ADAMTS6: variants seen among roughly 807,000 people sequenced by gnomAD.
The protein encoded by ADAMTS6 is ADAM metallopeptidase with thrombospondin type 1 motif 6.
A neutral mutation model predicts 144.3 loss-of-function variants in ADAMTS6; 23 were observed. The observed-to-expected ratio is 0.16, with a 90% CI of 0.11 to 0.23. The LOEUF is 0.23. Among genes scored for constraint, ADAMTS6 ranks in the 10% least tolerant of loss-of-function variants. ADAMTS6 has a pLI of 1.00. For missense variants in ADAMTS6, 999 were observed against 1,379.6 expected (o/e 0.72, Z 4.37); for synonymous variants, 444 against 457.5 (o/e 0.97, Z 0.38).
At position 65,185,981 on chromosome 5, in the gene ADAMTS6, A is replaced by G. The variant is rs564552276; in HGVS notation, c.2910+2035T>C. Among the ~76,000 whole-genome samples, 259 of 152,354 alleles carry G rather than the reference A, an allele frequency of 1.7e-3. 9 individuals carry two copies. In the South Asian group the frequency reaches 0.05, roughly 29 times the overall value. ...CAGCAACTTCTTCTAGAAATTTCTCAGAAGGCATTCCTTCTGCTTATGAAG... is the reference window on the plus strand; with the variant it reads ...CAGCAACTTCTTCTAGAAATTTCTCGGAAGGCATTCCTTCTGCTTATGAAG... On this transcript the variant is annotated intron_variant, in intron 22 of 24. Transcript: ENST00000381055.
At chr5:65,152,172 G>C (rs768334974) in intron 24 of ADAMTS6, among the ~76,000 whole-genome samples, 1 of 152,140 alleles carries the variant, frequency 6.6e-6, no homozygotes, top group East Asian at 1.9e-4. Flanking sequence ...ATGTTTGCAA[G>C]GCTTTCCTTC....
intron 7 of ADAMTS6, among the ~76,000 whole-genome samples, chr5:65,389,170 C>G (rs1334452864): frequency 6.6e-6 from 1 of 151,742 alleles, no homozygotes; most frequent in South Asian, 2.1e-4. Flanking sequence ...CGCCACTGCA[C>G]TCCAGCCTGG....
At chr5:65,191,015 T>C (rs1014958737) in intron 21 of ADAMTS6, among the ~76,000 whole-genome samples, 13 of 152,234 alleles carry the variant, frequency 8.5e-5, no homozygotes, top group Admixed American at 3.9e-4. Context: ...ATTCTTTCTC[T>C]GTCTTCTTTC....
At chr5:65,336,272 T>G (rs1747299350) in intron 7 of ADAMTS6, among the ~76,000 whole-genome samples, 1 of 152,056 alleles carries the variant, frequency 6.6e-6, no homozygotes, top group Non-Finnish European at 1.5e-5. Flanking sequence ...ACAACCAACT[T>G]TAATCAGAAA....
At position 65,273,356 on chromosome 5, in the gene ADAMTS6, C is replaced by G. The variant is rs774784212; in HGVS notation, c.1604G>C (p.Gly535Ala). The change falls in exon 12 of 25, where the codon GGG becomes GCG. Residue 535 changes from glycine (G) to alanine (A), a missense_variant. This residue lies in a region of ADAMTS6 where 619 missense variants were observed against 837.0 expected (regional missense o/e 0.74). Coordinates refer to ENST00000381055, the MANE Select transcript of ADAMTS6 (RefSeq NM_197941.4). ...PAAEGTLCQTGNIEKGWCYQG... is the reference protein window; with the variant it reads ...PAAEGTLCQTANIEKGWCYQG... ...TGAGCTTACCCCTTTTTCAATATTC[C>G]CAGTTTGACACAGTGTCCCCTCAGC... The G allele has an allele frequency of 1.9e-6, 3 of 1,612,752 alleles. No homozygotes were observed. The East Asian group carries it at 6.7e-5, about 36-fold the overall frequency.
chr5:65,451,684 T>G lies in ADAMTS6; in HGVS notation c.928-64A>C, dbSNP rs1313467882. ...ATTACTAAGGTCAGTTGTTAAAACT[T>G]TTGAAGACTGAAGTGGGACTATAAT... On this transcript the variant is annotated intron_variant, in intron 6 of 24. Transcript: ENST00000381055. 3 of 1,573,712 alleles carry G rather than the reference T, an allele frequency of 1.9e-6. No homozygotes were observed. The East Asian group carries it at 6.8e-5, about 36-fold the overall frequency.
At chr5:65,301,889 G>A (rs1004155171) in intron 9 of ADAMTS6, among the ~76,000 whole-genome samples, 4 of 151,772 alleles carry the variant, frequency 2.6e-5, no homozygotes, top group African/African-American at 9.7e-5. Context: ...AGGAGCTCGA[G>A]ACTAGCCTAG....
chr5:65,372,201 C>A (rs1055189563), intron 7 of ADAMTS6, among the ~76,000 whole-genome samples: 2 of 134,420 alleles, frequency 1.5e-5, no homozygotes, highest in Non-Finnish European at 3.1e-5. Context: ...GCATCAACTA[C>A]CGAGCAAAAT....
At chr5:65,206,630 G>A (rs1166272159) in intron 20 of ADAMTS6, among the ~76,000 whole-genome samples, 1 of 150,302 alleles carries the variant, frequency 6.7e-6, no homozygotes, top group East Asian at 1.9e-4. Context: ...AACCAGGAAG[G>A]TGGAAGTTGC....
chr5:65,211,747 A>G (rs1030969384), intron 20 of ADAMTS6, among the ~76,000 whole-genome samples: 2 of 152,218 alleles, frequency 1.3e-5, no homozygotes, highest in Non-Finnish European at 2.9e-5. Context: ...TAAGAAAAGT[A>G]GCAACTCTAA....
At chr5:65,263,086 CAGAT>C (rs1761333539) in intron 12 of ADAMTS6, 124 bp from the exon 13 acceptor site, 1 of 1,207,790 alleles carries the variant, frequency 8.3e-7, no homozygotes, top group Non-Finnish European at 1.2e-6. Flanking sequence ...TGATAACAGA[CAGAT>C]AGTTCTCTAA....
intron 7 of ADAMTS6, among the ~76,000 whole-genome samples, chr5:65,340,645 C>A (rs1682199253): frequency 6.6e-6 from 1 of 151,660 alleles, no homozygotes; most frequent in Admixed American, 6.6e-5. Flanking sequence ...GGATTAAATT[C>A]CCCATTGAAA....
chr5:65,328,987 C>G (rs1033940722), intron 9 of ADAMTS6, among the ~76,000 whole-genome samples: 1 of 151,844 alleles, frequency 6.6e-6, no homozygotes, highest in Non-Finnish European at 1.5e-5. Context: ...AAAAGGGATG[C>G]TGACAGCTGT....
chr5:65,330,250 A>G (rs555274740), intron 8 of ADAMTS6, among the ~76,000 whole-genome samples: 147 of 152,260 alleles, frequency 9.7e-4, no homozygotes, highest in African/African-American at 3.4e-3. Flanking sequence ...TAGTATGTAG[A>G]AGTTTTAATA....
chr5:65,298,692 A>T (rs1177429883), intron 10 of ADAMTS6, among the ~76,000 whole-genome samples: 3 of 152,134 alleles, frequency 2.0e-5, no homozygotes, highest in African/African-American at 7.2e-5. Flanking sequence ...AGGTTATAAT[A>T]TGGTTATCAG....
intron 7 of ADAMTS6, among the ~76,000 whole-genome samples, chr5:65,424,788 G>A (rs927393104): frequency 2.6e-5 from 4 of 152,112 alleles, no homozygotes; most frequent in African/African-American, 9.7e-5. Context: ...ATTGTTTCCT[G>A]ATCTTATTTA....
intron 7 of ADAMTS6, among the ~76,000 whole-genome samples, chr5:65,443,544 C>T (rs1351588782): frequency 6.8e-6 from 1 of 146,582 alleles, no homozygotes; most frequent in Non-Finnish European, 1.5e-5. Context: ...ACTGCTTGAG[C>T]CTGGGAGGCA....
At position 65,269,442 on chromosome 5, in the gene ADAMTS6, C is replaced by G. The variant is rs182844518; in HGVS notation, c.1620+3898G>C. ...AGAAAAATGAAAAATCTGTTTAGTA[C>G]TAAAGGGCGAAATACACTGTCACCA... On this transcript the variant is annotated intron_variant, in intron 12 of 24. Transcript: ENST00000381055. Among the ~76,000 whole-genome samples, 79 of 152,198 alleles carry G rather than the reference C, an allele frequency of 5.2e-4. 1 individual carries two copies. The highest frequency in any genetic ancestry group is 5.7e-4 in the Non-Finnish European group (39 of 68,006).
intron 9 of ADAMTS6, among the ~76,000 whole-genome samples, chr5:65,314,479 T>C (rs1469124584): frequency 2.0e-5 from 3 of 152,112 alleles, no homozygotes; most frequent in Admixed American, 2.0e-4. Flanking sequence ...GAAAAGTATT[T>C]GAAGTAATAA....
Sources: gnomAD v4.1 joint callset for allele counts (sites outside exome capture counted in the v4.1 genomes callset) on GRCh38, gnomAD v4.1.1 for gene constraint, gnomAD v4.1.1 regional missense constraint, MANE v1.5 for transcripts, NCBI Gene and HGNC (gene_info 2026-07-23, HGNC 2026-07-21) for gene names.